Variants in GSE1 observed in about 807,000 individuals in gnomAD.
The protein encoded by GSE1 is Gse1 coiled-coil protein, also known as genetic suppressor element 1.
A neutral mutation model predicts 112.6 loss-of-function variants in GSE1; 32 were observed. That is an observed-to-expected ratio of 0.28 (90% CI 0.21 to 0.38). The LOEUF (loss-of-function observed/expected upper bound fraction) is 0.38. Among genes scored for constraint, GSE1 ranks in the 10% least tolerant of loss-of-function variants. The pLI, the probability that GSE1 is intolerant of heterozygous loss-of-function variation, is 1.00. For synonymous variants in GSE1, 1,115 were observed against 735.6 expected, an observed-to-expected ratio of 1.52 and a Z score of -8.35; for missense variants, 2,348 against 1,699.2, an observed-to-expected ratio of 1.38 and a Z score of -6.71.
At chr16:85,307,322 C>T (rs1022003885) in intron 1 of GSE1, among the ~76,000 whole-genome samples, 2 of 152,204 alleles carry the variant, frequency 1.3e-5, no homozygotes, top group Non-Finnish European at 2.9e-5. Context: ...TAACCACCTG[C>T]GACGTTCCAA....
At chr16:85,366,828 C>A (rs1355295254) in intron 2 of GSE1, among the ~76,000 whole-genome samples, 1 of 152,262 alleles carries the variant, frequency 6.6e-6, no homozygotes, top group African/African-American at 2.4e-5. Flanking sequence ...GGCAAAATTG[C>A]TGTTAAGAGG....
At chr16:85,231,706 G>T (rs1904288602) in intron 1 of GSE1, among the ~76,000 whole-genome samples, 1 of 152,122 alleles carries the variant, frequency 6.6e-6, no homozygotes, top group African/African-American at 2.4e-5. Context: ...ACCATGTTGG[G>T]TCTTCCTCTT....
chr16:85,441,599 A>T (rs1227189684), intron 2 of GSE1, among the ~76,000 whole-genome samples: 6 of 152,220 alleles, frequency 3.9e-5, no homozygotes. Context: ...GTGAGCCAAG[A>T]TCTCACCACT....
intron 2 of GSE1, among the ~76,000 whole-genome samples, chr16:85,634,743 C>T (rs986740018): frequency 3.9e-5 from 6 of 152,210 alleles, no homozygotes; most frequent in African/African-American, 1.4e-4. Flanking sequence ...TGCTGATCCT[C>T]TGAGCCTCAT....
chr16:85,486,733 G>A (rs932011950), intron 2 of GSE1, among the ~76,000 whole-genome samples: 8 of 152,082 alleles, frequency 5.3e-5, no homozygotes, highest in Admixed American at 3.3e-4. Context: ...GGGACGGAGC[G>A]GGCATCTGTC....
intron 1 of GSE1, chr16:85,283,469 G>C (rs574009920): frequency 1.3e-5 from 2 of 152,792 alleles, no homozygotes; most frequent in African/African-American, 4.8e-5. Context: ...GGGCTCGTGA[G>C]AGCCGCAGGC....
chr16:85,555,461 C>G (rs918194565), upstream of GSE1: 41 of 983,682 alleles, frequency 4.2e-5, no homozygotes, highest in African/African-American at 6.5e-4. Context: ...TTTCTCCTGC[C>G]GGAGACTTGT....
At chr16:85,635,932 C>T (rs2049958635) in intron 2 of GSE1, among the ~76,000 whole-genome samples, 2 of 143,568 alleles carry the variant, frequency 1.4e-5, no homozygotes, top group South Asian at 4.3e-4. Flanking sequence ...GGCGTCACAG[C>T]AGGAGCCTGC....
intron 1 of GSE1, among the ~76,000 whole-genome samples, chr16:85,304,802 C>A (rs1045803331): frequency 6.6e-6 from 1 of 152,224 alleles, no homozygotes; most frequent in Non-Finnish European, 1.5e-5. Flanking sequence ...TCTGCAGCCA[C>A]AGAATGACTC....
Position 85,294,616 on chromosome 16 carries a change from A to ACTCTCTCTCTCTCT in GSE1, c.2284-62818_2284-62805dup, listed in dbSNP as rs756560732. On this transcript the variant is annotated intron_variant, in intron 1 of 2. Coordinates refer to the GSE1 transcript ENST00000637419. ...CCTGGATCTTGCCAGCACGCCTCTC[A>ACTCTCTCTCTCTCT]CTCTCTCTCTCTCTCTCTCTCTCTC... 8.6e-4 allele frequency among the ~76,000 whole-genome samples: 66 copies of ACTCTCTCTCTCTCT among 76,654 alleles called. 3 individuals carry two copies. The highest frequency in any genetic ancestry group is 3.7e-3 in the African/African-American group (60 of 16,216). 50.3% of individuals were successfully genotyped at this position (76,654 alleles called of 152,430 possible).
intron 2 of GSE1, among the ~76,000 whole-genome samples, chr16:85,478,897 T>G (rs1261741101): frequency 1.2e-5 from 1 of 83,200 alleles, no homozygotes; most frequent in Non-Finnish European, 2.2e-5. Context: ...CTTTCTTTCT[T>G]TCTTTCTTTC....
intron 2 of GSE1, among the ~76,000 whole-genome samples, chr16:85,642,051 C>T (rs1240943316): frequency 1.8e-4 from 28 of 152,272 alleles, no homozygotes; most frequent in Admixed American, 1.8e-3. Flanking sequence ...CCTACACCGG[C>T]TGAGGGCCCA....
chr16:85,567,370 CA>C (rs552778355), intron 1 of GSE1, among the ~76,000 whole-genome samples: 256 of 152,336 alleles, frequency 1.7e-3, no homozygotes, highest in African/African-American at 6.1e-3. Context: ...TGCCCAGCTA[CA>C]CCTGGGGCCT....
chr16:85,586,390 T>G (rs1165242843), intron 1 of GSE1, among the ~76,000 whole-genome samples: 2 of 151,400 alleles, frequency 1.3e-5, no homozygotes, highest in East Asian at 3.9e-4. Context: ...GAGTGCCGAG[T>G]GCCGGGAGGG....
intron 2 of GSE1, among the ~76,000 whole-genome samples, chr16:85,424,809 C>T (rs1010230874): frequency 5.3e-5 from 8 of 152,272 alleles, no homozygotes; most frequent in African/African-American, 9.6e-5. Flanking sequence ...TGGCGAGGGC[C>T]GCTGGAGCCT....
At chr16:85,459,659 A>T (rs965210444) in intron 2 of GSE1, among the ~76,000 whole-genome samples, 3 of 152,208 alleles carry the variant, frequency 2.0e-5, no homozygotes, top group Admixed American at 2.0e-4. Context: ...GGGCTGGATT[A>T]GAGGTAGAGG....
At chr16:85,279,575 G>A (rs957878236) in intron 1 of GSE1, among the ~76,000 whole-genome samples, 10 of 152,152 alleles carry the variant, frequency 6.6e-5, no homozygotes, top group African/African-American at 2.4e-4. Context: ...CAGCCTGGGT[G>A]GCAGAGCAAG....
At chr16:85,574,895 C>T (rs919718577) in intron 1 of GSE1, among the ~76,000 whole-genome samples, 1 of 152,190 alleles carries the variant, frequency 6.6e-6, no homozygotes, top group African/African-American at 2.4e-5. Context: ...GCGCTCCAGG[C>T]AGGCGGGGGA....
Position 85,613,377 on chromosome 16 carries a change from C to T in GSE1, c.-15C>T, listed in dbSNP as rs371557812. 1.9e-6 allele frequency: 3 copies of T among 1,568,220 alleles called. No individual in the cohort carries two copies. The highest frequency in any genetic ancestry group is 1.8e-5 in the Admixed American group (1 of 54,198). On this transcript the variant is annotated 5_prime_UTR_variant, in exon 1 of 16. Transcript: ENST00000253458. ...CCAGCATGTATCAGCCGAGGTGGAG[C>T]TGCGGGGCCCTGGCATGAAAGGTGA... is the stretch of plus-strand genomic sequence containing the variant.
Sources: allele counts gnomAD v4.1 joint callset (sites outside exome capture counted in the v4.1 genomes callset), GRCh38; gene constraint gnomAD v4.1.1; transcripts MANE v1.5; gene names NCBI Gene and HGNC (gene_info 2026-07-23, HGNC 2026-07-21).